Variants in TNS1 observed in about 807,000 individuals in gnomAD.
TNS1 encodes tensin-1.
TNS1 carries 62 observed loss-of-function variants against 168.6 expected under a neutral mutation model. That is an observed-to-expected ratio of 0.37 (90% CI 0.30 to 0.45). The LOEUF (loss-of-function observed/expected upper bound fraction) is 0.45. Among genes scored for constraint, TNS1 ranks in the 20% least tolerant of loss-of-function variants. The pLI, the probability that TNS1 is intolerant of heterozygous loss-of-function variation, is 1.00. For missense variants in TNS1, 2,240 were observed against 2,339.4 expected, an observed-to-expected ratio of 0.96 and a Z score of 0.88; for synonymous variants, 934 against 933.2, an observed-to-expected ratio of 1.00 and a Z score of -0.02.
intron 3 of TNS1, among the ~76,000 whole-genome samples, chr2:217,931,726 T>A (rs1329241107): frequency 6.6e-6 from 1 of 152,248 alleles, no homozygotes; most frequent in Non-Finnish European, 1.5e-5. Flanking sequence ...CATCATCAAC[T>A]GAGTAACAGT....
chr2:217,940,755 G>A (rs1358682775), intron 3 of TNS1, among the ~76,000 whole-genome samples: 1 of 152,172 alleles, frequency 6.6e-6, no homozygotes, highest in Non-Finnish European at 1.5e-5. Context: ...CATCCACAGA[G>A]GGGCTGTGGA....
At chr2:217,921,329 G>C (rs979684313) in intron 3 of TNS1, among the ~76,000 whole-genome samples, 1 of 152,142 alleles carries the variant, frequency 6.6e-6, no homozygotes, top group Admixed American at 6.5e-5. Context: ...TCCAAAGAGG[G>C]GGTAGCTGCC....
chr2:218,016,785 G>A (rs1236978357), intron 1 of TNS1, among the ~76,000 whole-genome samples: 2 of 152,196 alleles, frequency 1.3e-5, no homozygotes, highest in Non-Finnish European at 2.9e-5. Context: ...ATGTGAGCAA[G>A]CGCCAAGCCA....
At chr2:217,808,471 G>A in intron 31 of TNS1, 132 bp downstream of exon 31, 1 of 923,078 alleles carries the variant, frequency 1.1e-6, no homozygotes, top group Admixed American at 2.0e-5. Flanking sequence ...TCACACATGG[G>A]CAGACCTTCC....
chr2:217,818,538 T>C lies in TNS1; in HGVS notation c.3794A>G (p.Gln1265Arg). The C allele has an allele frequency of 6.2e-7, 1 of 1,614,230 alleles. No homozygotes were observed. Among genetic ancestry groups the C allele is most frequent in the Non-Finnish European group, 8.5e-7 (1 of 1,180,042 alleles). ...AGCCACACTGAACTGAGCTCGAGCC[T>C]GGCTTTCCGGAGAGGAGCTGAAATG... ...LQHFSSSPES[Q>R]ARAQFSVAGV... Residue 1265 changes from glutamine (Q) to arginine (R), a missense_variant, in exon 24 of 33, where the codon CAG becomes CGG. Physicochemically the swap from Gln to Arg is conservative, Grantham distance 43. Coordinates refer to ENST00000682258, the MANE Select transcript of TNS1 (RefSeq NM_001387777.1).
chr2:217,940,159 G>A (rs927973918), intron 3 of TNS1, among the ~76,000 whole-genome samples: 1 of 152,210 alleles, frequency 6.6e-6, no homozygotes. Flanking sequence ...TCTGGCCAGG[G>A]AGCTATTGAG....
intron 18 of TNS1, among the ~76,000 whole-genome samples, chr2:217,864,156 G>C (rs1338079741): frequency 6.6e-6 from 1 of 152,202 alleles, no homozygotes; most frequent in Non-Finnish European, 1.5e-5. Flanking sequence ...GTTTGTGTTG[G>C]ATGAGGGTCG....
intron 3 of TNS1, among the ~76,000 whole-genome samples, chr2:217,950,031 T>C (rs1484355811): frequency 6.6e-6 from 1 of 152,174 alleles, no homozygotes; most frequent in East Asian, 1.9e-4. Flanking sequence ...GTTTAGCATC[T>C]AGACCAAAGG....
chr2:217,809,672 G>C, intron 30 of TNS1, 151 bp downstream of exon 30: 1 of 770,742 alleles, frequency 1.3e-6, no homozygotes, highest in Non-Finnish European at 2.1e-6. Context: ...TAGCTGGGTA[G>C]ATGGGAGGTA....
chr2:217,880,879 G>T lies in TNS1; in HGVS notation c.1429+19C>A. 1 of 1,575,732 alleles carries T rather than the reference G, an allele frequency of 6.3e-7. No individual in the cohort carries two copies. The highest frequency in any genetic ancestry group is 8.7e-7 in the Non-Finnish European group (1 of 1,145,034). On this transcript the variant is annotated intron_variant, in intron 18 of 32. Transcript: ENST00000682258. The surrounding 1 kb of genome is among the most constrained non-coding windows in gnomAD (Gnocchi z 4.2). ...TGTGCAGTTTGGATAGGGGCTGGGA[G>T]CCACTAGGTCCCACCTACCCTCCAT...
chr2:217,971,187 C>G (rs1957766081), intron 3 of TNS1, among the ~76,000 whole-genome samples: 1 of 152,182 alleles, frequency 6.6e-6, no homozygotes, highest in Non-Finnish European at 1.5e-5. Context: ...AGATAGAGAA[C>G]AATTCCATCC....
At chr2:217,979,549 A>ACACACACACACACACACG (rs1476579659) in intron 2 of TNS1, among the ~76,000 whole-genome samples, 17 of 151,970 alleles carry the variant, frequency 1.1e-4, no homozygotes, top group African/African-American at 3.9e-4. Flanking sequence ...ACACACACAC[A>ACACACACACACACACACG]CACAGGACTT....
Position 217,964,358 on chromosome 2 carries a change from G to A in TNS1, c.186+14407C>T, listed in dbSNP as rs555221600. On this transcript the variant is annotated intron_variant, in intron 3 of 32. Coordinates refer to ENST00000682258, the MANE Select transcript of TNS1 (RefSeq NM_001387777.1). ...AGGCTGTGCAACTTGTCCAGTGTCA[G>A]AGATAGTGAGTGTTGAAGAAGAAAA... 2.2e-4 allele frequency among the ~76,000 whole-genome samples: 34 copies of A among 152,234 alleles called. No individual in the cohort carries two copies. In the South Asian group the frequency reaches 6.6e-3, roughly 30 times the overall value.
intron 19 of TNS1, among the ~76,000 whole-genome samples, chr2:217,842,829 C>A (rs1160636858): frequency 6.6e-6 from 1 of 152,204 alleles, no homozygotes; most frequent in East Asian, 1.9e-4. Flanking sequence ...TGCCTCGGGG[C>A]CTCTGCACTT....
chr2:217,939,162 A>G (rs1956784717), intron 3 of TNS1, among the ~76,000 whole-genome samples: 1 of 152,230 alleles, frequency 6.6e-6, no homozygotes, highest in African/African-American at 2.4e-5. Context: ...ACCTTGAAGC[A>G]GACATTATCC....
At chr2:218,007,996 T>C (rs890077600) in intron 1 of TNS1, among the ~76,000 whole-genome samples, 7 of 152,236 alleles carry the variant, frequency 4.6e-5, no homozygotes, top group Non-Finnish European at 7.4e-5. Context: ...TAGTACCAGA[T>C]TGAGGTCACT....
At chr2:217,884,147 GTGGATGGA>G (rs562041033) in intron 16 of TNS1, among the ~76,000 whole-genome samples, 1 of 119,568 alleles carries the variant, frequency 8.4e-6, no homozygotes, top group Non-Finnish European at 1.7e-5. Context: ...GGGTGGGTGG[GTGGATGGA>G]TGGATGGATG....
chr2:217,932,632 C>A (rs770286147), intron 3 of TNS1, among the ~76,000 whole-genome samples: 2 of 152,116 alleles, frequency 1.3e-5, no homozygotes, highest in East Asian at 3.9e-4. Context: ...AGGTCCTATT[C>A]GTATCCCCAT....
chr2:217,867,628 G>C (rs1403253493), intron 18 of TNS1, among the ~76,000 whole-genome samples: 1 of 152,192 alleles, frequency 6.6e-6, no homozygotes, highest in Non-Finnish European at 1.5e-5. Flanking sequence ...CAGACCCCAG[G>C]TGATCTACTC....
Sources: gnomAD v4.1 joint callset for allele counts (sites outside exome capture counted in the v4.1 genomes callset) on GRCh38, gnomAD v4.1.1 for gene constraint, Gnocchi (gnomAD v3.1) non-coding constraint, MANE v1.5 for transcripts, NCBI Gene and HGNC (gene_info 2026-07-23, HGNC 2026-07-21) for gene names.